The following HAL variants were observed in gnomAD, a reference collection of about 807,000 sequenced individuals.
HAL encodes histidase.
Under a neutral mutation model 81.1 loss-of-function variants are expected in HAL, and 85 were observed. That is an observed-to-expected ratio of 1.05 (90% CI 0.88 to 1.25). The LOEUF (loss-of-function observed/expected upper bound fraction) is 1.25. Ranked by LOEUF, HAL falls within the 50% of genes most tolerant of loss-of-function variation. HAL has a pLI of 0.00. For missense variants in HAL, 798 were observed against 836.6 expected, an observed-to-expected ratio of 0.95 and a Z score of 0.57; for synonymous variants, 301 against 309.2, an observed-to-expected ratio of 0.97 and a Z score of 0.28.
chr12:95,975,682 CAAAGT>C (rs1185780238), intron 20 of HAL, among the ~76,000 whole-genome samples: 2 of 152,088 alleles, frequency 1.3e-5, no homozygotes. Flanking sequence ...CTCCTAGCAC[CAAAGT>C]TGGCAGCAGG....
chr12:95,993,920 A>C lies in HAL; in HGVS notation c.484+6T>G, dbSNP rs779952008. The C allele has an allele frequency of 6.5e-7, 1 of 1,550,094 alleles. No homozygotes were observed. ...AAATATTTATAACATAAAGATAAAAAGATACCTGTTTTCTCTTTTATGATG... is the reference window on the plus strand; with the variant it reads ...AAATATTTATAACATAAAGATAAAACGATACCTGTTTTCTCTTTTATGATG... On this transcript the variant is annotated splice_donor_region_variant and intron_variant, in intron 6 of 20. Transcript: ENST00000261208.
In HAL at chr12:95,990,393, G is replaced by A. The variant is rs201094537; in HGVS notation, c.855C>T (p.Tyr285=). Residue 285 remains tyrosine (Y), a splice_region_variant and synonymous_variant, in exon 10 of 21, where the codon TAC becomes TAT. Coordinates refer to ENST00000261208, the MANE Select transcript of HAL (RefSeq NM_002108.4). ...AGATAGAAGCTGCTACGAGTCTTAC[G>A]TATTTAGCATCAGCCCAGCCACTCT... ...SPKSGWADAK[Y]VLEAHGLKPV... The A allele has an allele frequency of 4.3e-5, 69 of 1,612,232 alleles. No individual in the cohort carries two copies. In the Admixed American group the frequency reaches 6.7e-4, roughly 16 times the overall value.
At chr12:95,992,288 GGCACC>G (rs1242229677) in intron 9 of HAL, among the ~76,000 whole-genome samples, 3 of 152,168 alleles carry the variant, frequency 2.0e-5, no homozygotes, top group Non-Finnish European at 4.4e-5. Flanking sequence ...CAGATTCCCA[GGCACC>G]AACCAGAACT....
chr12:95,988,007 A>G (rs1306554844), intron 11 of HAL, among the ~76,000 whole-genome samples, 186 bp downstream of exon 11: 1 of 151,950 alleles, frequency 6.6e-6, no homozygotes, highest in East Asian at 1.9e-4. Flanking sequence ...GATTACAGGC[A>G]TCCGCCACCA....
chr12:95,984,253 A>G (rs983610893), intron 14 of HAL, among the ~76,000 whole-genome samples: 1 of 152,178 alleles, frequency 6.6e-6, no homozygotes, highest in Admixed American at 6.5e-5. Flanking sequence ...ATGGTGTGGG[A>G]GGAAGAATGC....
At position 95,994,151 on chromosome 12, in the gene HAL, T is replaced by A. The variant is rs775858091; in HGVS notation, c.350A>T (p.Asp117Val). 6.2e-7 allele frequency: 1 copy of A among 1,612,084 alleles called. No individual in the cohort carries two copies. The highest frequency in any genetic ancestry group is 8.5e-7 in the Non-Finnish European group (1 of 1,178,122). Reference sequence around the variant, plus strand: ...ATCCTCCGTGGTCAGACGGTCTCCATCTAACTCGATGTACTACACAAAAGA... The same window carrying A: ...ATCCTCCGTGGTCAGACGGTCTCCAACTAACTCGATGTACTACACAAAAGA... ...YREPEKYIEL[D>V]GDRLTTEDLV... Residue 117 changes from aspartate (D) to valine (V), a missense_variant, in exon 5 of 21, where the codon GAT (aspartate) becomes GTT (valine). Transcript: ENST00000261208.
intron 11 of HAL, 45 bp from the exon 12 acceptor site, chr12:95,987,259 G>C (rs199553802): frequency 6.6e-7 from 1 of 1,514,134 alleles, no homozygotes; most frequent in African/African-American, 1.4e-5. Context: ...TTATTGTAAC[G>C]AACCTACATA....
intron 9 of HAL, among the ~76,000 whole-genome samples, chr12:95,991,506 C>T (rs547182943): frequency 6.6e-6 from 1 of 152,340 alleles, no homozygotes; most frequent in South Asian, 2.1e-4. Flanking sequence ...GTCACCCAGT[C>T]TACACTCCAC....
intron 7 of HAL, 30 bp from the exon 8 acceptor site, chr12:95,993,518 A>C: frequency 6.9e-7 from 1 of 1,454,990 alleles, no homozygotes; most frequent in South Asian, 1.1e-5. Context: ...ACCCTCTTAG[A>C]TACATTGCAG....
chr12:95,986,739 C>A (rs1949893707), intron 12 of HAL, among the ~76,000 whole-genome samples: 1 of 152,102 alleles, frequency 6.6e-6, no homozygotes, highest in African/African-American at 2.4e-5. Flanking sequence ...TCGGGACCAA[C>A]TCTAATCCTA....
Position 95,988,201 on chromosome 12 carries a change from G to GT in HAL, c.894dup (p.Pro299ThrfsTer20), listed in dbSNP as rs1949920259. On this transcript the variant is annotated frameshift_variant, in exon 11 of 21. Transcript: ENST00000261208. LOFTEE classifies it high-confidence loss of function. ...TTCTTGAGTTTCCTTACCTCTTTTG[G>GT]TTTTAAAATAACTGGTTTCAATCCA... The GT allele has an allele frequency of 6.7e-7, 1 of 1,485,708 alleles. No individual in the cohort carries two copies. Among genetic ancestry groups the GT allele is most frequent in the Non-Finnish European group, 9.4e-7 (1 of 1,063,122 alleles). 92.0% of individuals were successfully genotyped at this position (1,485,708 alleles called of 1,614,324 possible). A position where few individuals can be genotyped will look rare whatever the true frequency, so the allele number is the denominator to read the frequency against.
At chr12:95,994,719 A>G (rs1950011445) in intron 4 of HAL, 79 bp downstream of exon 4, 1 of 1,376,516 alleles carries the variant, frequency 7.3e-7, no homozygotes, top group African/African-American at 1.4e-5. Context: ...GTGTTTTCTC[A>G]GAAGTTTTCC....
chr12:95,995,178 AG>A (rs1950018783), intron 2 of HAL, 185 bp from the exon 3 acceptor site: 2 of 658,744 alleles, frequency 3.0e-6, no homozygotes, highest in African/African-American at 3.6e-5. Flanking sequence ...GCAGAAAGGT[AG>A]GTGTCAGGGC....
rs1228301548 is a variant in HAL, at chr12:95,996,141, C to T, written c.-145G>A. On this transcript the variant is annotated 5_prime_UTR_variant, in exon 1 of 21. Transcript: ENST00000261208. The stretch of plus-strand genomic sequence containing the variant: ...GAGCAGGGGATGCAGACGGGTGAGC[C>T]TCCTGTCCACTTTCCATCCAGACCT... 3.7e-6 allele frequency: 2 copies of T among 546,136 alleles called. No homozygotes were observed. Among genetic ancestry groups the T allele is most frequent in the Non-Finnish European group, 6.7e-6 (2 of 298,266 alleles). 33.8% of individuals were successfully genotyped at this position (546,136 alleles called of 1,614,324 possible). A position where few individuals can be genotyped will look rare whatever the true frequency, so the allele number is the denominator to read the frequency against.
rs952139128 is a variant in HAL, at chr12:95,992,866, T to C, written c.590-61A>G. On this transcript the variant is annotated intron_variant, in intron 8 of 20. Coordinates refer to ENST00000261208, the MANE Select transcript of HAL (RefSeq NM_002108.4). Reference sequence around the variant, plus strand: ...CAAACTCCTTTTTGTCTCCTGACAATTGCCCTCCCTCCCTCCAATCTTTCC... The same window carrying C: ...CAAACTCCTTTTTGTCTCCTGACAACTGCCCTCCCTCCCTCCAATCTTTCC... 33 of 1,299,822 alleles carry C rather than the reference T, an allele frequency of 2.5e-5. No individual in the cohort carries two copies. The East Asian group carries it at 7.2e-4, about 28-fold the overall frequency. The allele number at this position is 1,299,822 out of a possible 1,614,324, so 80.5% of individuals were successfully genotyped here.
chr12:95,988,476 G>T (rs11108366), intron 10 of HAL, among the ~76,000 whole-genome samples: 22,627 of 152,068 alleles, frequency 0.15, 1,794 homozygotes, highest in Middle Eastern at 0.22. Flanking sequence ...GGGCTCCATT[G>T]TCTATAGAAT....
At chr12:95,993,069 C>G (rs1949991755) in intron 8 of HAL, among the ~76,000 whole-genome samples, 1 of 152,192 alleles carries the variant, frequency 6.6e-6, no homozygotes, top group South Asian at 2.1e-4. Context: ...CTCCCACTCA[C>G]CTTTAGAATA....
chr12:95,992,884 A>C, intron 8 of HAL, 79 bp from the exon 9 acceptor site: 4 of 858,616 alleles, frequency 4.7e-6, no homozygotes, highest in Non-Finnish European at 6.8e-6. Flanking sequence ...CCTCCCTCCA[A>C]TCTTTCCCAT....
At chr12:95,976,356 A>T (rs562284639) in intron 20 of HAL, 73 bp downstream of exon 20, 18 of 1,157,034 alleles carry the variant, frequency 1.6e-5, no homozygotes, top group Non-Finnish European at 2.2e-5. Context: ...GAATAAGGCA[A>T]TGTTTCTCCA....
Sources: allele counts gnomAD v4.1 joint callset (sites outside exome capture counted in the v4.1 genomes callset), GRCh38; gene constraint gnomAD v4.1.1; transcripts MANE v1.5; gene names NCBI Gene and HGNC (gene_info 2026-07-23, HGNC 2026-07-21).